The following CD44 variants were observed in gnomAD, a reference collection of about 807,000 sequenced individuals.
The protein encoded by CD44 is CD44 antigen.
In CD44, 49 loss-of-function variants were observed where a neutral mutation model predicts 88.8. The observed-to-expected ratio is 0.55, with a 90% CI of 0.44 to 0.70. The LOEUF (loss-of-function observed/expected upper bound fraction) is 0.70, where lower values mean the gene tolerates loss of function less well. Ranked by LOEUF, CD44 falls within the 30% of genes least tolerant of loss-of-function variation. CD44 has a pLI of 0.00. For synonymous variants in CD44, 325 were observed against 312.3 expected (o/e 1.04, Z -0.43); for missense variants, 883 against 913.8 (o/e 0.97, Z 0.43).
At chr11:35,214,201 A>G (rs910973608) in intron 14 of CD44, among the ~76,000 whole-genome samples, 6 of 152,200 alleles carry the variant, frequency 3.9e-5, no homozygotes, top group African/African-American at 1.4e-4. Flanking sequence ...TTAACTTTAA[A>G]AAATTATTTT....
At chr11:35,140,111 A>T (rs139520679) in intron 1 of CD44, among the ~76,000 whole-genome samples, 1 of 152,298 alleles carries the variant, frequency 6.6e-6, no homozygotes, top group African/African-American at 2.4e-5. Context: ...AAATCTCAAC[A>T]GTAAGGTGGC....
intron 3 of CD44, among the ~76,000 whole-genome samples, chr11:35,185,134 G>A (rs1489747488): frequency 6.6e-6 from 1 of 152,156 alleles, no homozygotes; most frequent in Admixed American, 6.5e-5. Context: ...TTATATGGTG[G>A]TAAACATGAA....
chr11:35,232,238 C>A lies in CD44; in HGVS notation c.*2905C>A, dbSNP rs1950094025. On this transcript the variant is annotated 3_prime_UTR_variant, in exon 18 of 18. Coordinates refer to ENST00000428726, the MANE Select transcript of CD44 (RefSeq NM_000610.4). ...TCATTCTTGTGCTGTACAATGACCA[C>A]TGTTATTGTTACTTTGACTTTTCAG... The A allele has an allele frequency of 2.0e-5, 3 of 152,746 alleles. No individual in the cohort carries two copies. The highest frequency in any genetic ancestry group is 3.4e-3 in the Middle Eastern group (1 of 294). 9.5% of individuals were successfully genotyped at this position (152,746 alleles called of 1,614,324 possible).
At chr11:35,202,187 C>A (rs1416697504) in intron 9 of CD44, among the ~76,000 whole-genome samples, 1 of 152,162 alleles carries the variant, frequency 6.6e-6, no homozygotes, top group Non-Finnish European at 1.5e-5. Flanking sequence ...CTATGAAGAT[C>A]TTTGATGAAT....
chr11:35,164,740 G>T (rs1364932497), intron 1 of CD44, among the ~76,000 whole-genome samples: 3 of 152,192 alleles, frequency 2.0e-5, no homozygotes, highest in Non-Finnish European at 4.4e-5. Context: ...AAAACTTTAA[G>T]TTGCAAGATA....
chr11:35,168,664 A>G (rs1290296057), intron 1 of CD44, among the ~76,000 whole-genome samples: 1 of 152,202 alleles, frequency 6.6e-6, no homozygotes, highest in Non-Finnish European at 1.5e-5. Context: ...GAGATGACAA[A>G]TAGGGATCAG....
intron 5 of CD44, among the ~76,000 whole-genome samples, chr11:35,194,445 A>T (rs1358135084): frequency 2.0e-5 from 3 of 152,236 alleles, no homozygotes; most frequent in Non-Finnish European, 4.4e-5. Flanking sequence ...GCACTCAAAC[A>T]GCCACGCAAC....
Position 35,189,614 on chromosome 11 carries a change from G to A in CD44, c.437-221G>A, listed in dbSNP as rs1370738913. Among the ~76,000 whole-genome samples the A allele has an allele frequency of 2.0e-5, 3 of 152,282 alleles. No homozygotes were observed. The East Asian group carries it at 5.8e-4, about 29-fold the overall frequency. On this transcript the variant is annotated intron_variant, in intron 4 of 17. Transcript: ENST00000428726. The stretch of plus-strand genomic sequence containing the variant: ...GAAGCTAGGATTCAAACACAGGGAT[G>A]GGACTCTCCAGTACTTCCTTGTTTC...
At chr11:35,196,651 T>G in intron 5 of CD44, 95 bp from the exon 6 acceptor site, 1 of 1,309,036 alleles carries the variant, frequency 7.6e-7, no homozygotes, top group Non-Finnish European at 1.1e-6. Context: ...TAGATGATTC[T>G]CTTGAGTAGT....
chr11:35,209,513 A>G (rs185224069), intron 12 of CD44, among the ~76,000 whole-genome samples: 3 of 152,284 alleles, frequency 2.0e-5, no homozygotes, highest in South Asian at 2.1e-4. Flanking sequence ...TGTGGTTACA[A>G]CTAGACTACA....
At chr11:35,175,606 G>A (rs1036443691) in intron 1 of CD44, among the ~76,000 whole-genome samples, 4 of 152,150 alleles carry the variant, frequency 2.6e-5, no homozygotes, top group Non-Finnish European at 5.9e-5. Context: ...TTGTAGTGGT[G>A]GACTTATTTT....
At chr11:35,163,888 C>T (rs1199952858) in intron 1 of CD44, among the ~76,000 whole-genome samples, 3 of 152,070 alleles carry the variant, frequency 2.0e-5, no homozygotes, top group African/African-American at 7.2e-5. Flanking sequence ...GATTTGTCTG[C>T]CTCACCCCCT....
Position 35,229,435 on chromosome 11 carries a change from G to T in CD44, c.*102G>T. The T allele has an allele frequency of 1.4e-6, 1 of 707,190 alleles. No homozygotes were observed. The highest frequency in any genetic ancestry group is 2.1e-5 in the South Asian group (1 of 46,520). 43.8% of individuals were successfully genotyped at this position (707,190 alleles called of 1,614,324 possible). Reference sequence around the variant, plus strand: ...GCAATGTGCTACTGATTGTTTCATTGCGAATCTTTTTTAGCATAAAATTTT... The same window carrying T: ...GCAATGTGCTACTGATTGTTTCATTTCGAATCTTTTTTAGCATAAAATTTT... On this transcript the variant is annotated 3_prime_UTR_variant, in exon 18 of 18. Coordinates refer to ENST00000428726, the MANE Select transcript of CD44 (RefSeq NM_000610.4).
In CD44 at chr11:35,139,228, C is replaced by A; in HGVS notation, c.-76C>A. On this transcript the variant is annotated 5_prime_UTR_variant, in exon 1 of 18. Coordinates refer to ENST00000428726, the MANE Select transcript of CD44 (RefSeq NM_000610.4). ...GTTCGGTCCGCCATCCTCGTCCCGTCCTCCGCCGGCCCCTGCCCCGCGCCC... is the reference window on the plus strand; with the variant it reads ...GTTCGGTCCGCCATCCTCGTCCCGTACTCCGCCGGCCCCTGCCCCGCGCCC... 8.4e-7 allele frequency: 1 copy of A among 1,195,282 alleles called. No individual in the cohort carries two copies. The highest frequency in any genetic ancestry group is 1.2e-6 in the Non-Finnish European group (1 of 824,008). 74.0% of individuals were successfully genotyped at this position (1,195,282 alleles called of 1,614,324 possible).
intron 5 of CD44, among the ~76,000 whole-genome samples, chr11:35,192,982 A>G (rs1946415933): frequency 6.6e-6 from 1 of 151,466 alleles, no homozygotes; most frequent in African/African-American, 2.4e-5. Context: ...TTCCTGTTGT[A>G]CTATTGGGTG....
At chr11:35,192,024 T>G (rs1434771517) in intron 5 of CD44, among the ~76,000 whole-genome samples, 1 of 152,206 alleles carries the variant, frequency 6.6e-6, no homozygotes, top group Non-Finnish European at 1.5e-5. Context: ...GAGTTGGACT[T>G]ACCTTCATGG....
At chr11:35,193,300 TG>T (rs1946449355) in intron 5 of CD44, among the ~76,000 whole-genome samples, 1 of 152,220 alleles carries the variant, frequency 6.6e-6, no homozygotes, top group African/African-American at 2.4e-5. Flanking sequence ...TATGAATTTT[TG>T]TTGGGCCACA....
At chr11:35,192,893 T>C (rs192825180) in intron 5 of CD44, among the ~76,000 whole-genome samples, 46 of 150,130 alleles carry the variant, frequency 3.1e-4, no homozygotes, top group Non-Finnish European at 5.9e-4. Flanking sequence ...TTCCCCCTCA[T>C]ACCACTCCTT....
chr11:35,193,309 AC>A (rs1946450202), intron 5 of CD44, among the ~76,000 whole-genome samples: 1 of 152,232 alleles, frequency 6.6e-6, no homozygotes, highest in South Asian at 2.1e-4. Context: ...TTGTTGGGCC[AC>A]ATTCAAAGCC....
Sources: allele counts gnomAD v4.1 joint callset (sites outside exome capture counted in the v4.1 genomes callset), GRCh38; gene constraint gnomAD v4.1.1; transcripts MANE v1.5; gene names NCBI Gene and HGNC (gene_info 2026-07-23, HGNC 2026-07-21).